The following ACOXL variants were observed in gnomAD, a reference collection of about 807,000 sequenced individuals.
ACOXL encodes acyl-coenzyme A oxidase-like protein.
A neutral mutation model predicts 71.9 loss-of-function variants in ACOXL; 70 were observed. The observed-to-expected ratio is 0.97, with a 90% confidence interval of 0.80 to 1.19. The LOEUF (loss-of-function observed/expected upper bound fraction) is 1.19. Ranked by LOEUF, ACOXL falls within the 50% of genes most tolerant of loss-of-function variation. ACOXL has a pLI of 0.00. For missense variants in ACOXL, 703 were observed against 736.3 expected (o/e 0.95, Z 0.52); for synonymous variants, 253 against 281.6 (o/e 0.90, Z 1.02).
At chr2:110,819,738 C>G (rs1319178214) in intron 9 of ACOXL, among the ~76,000 whole-genome samples, 1 of 152,114 alleles carries the variant, frequency 6.6e-6, no homozygotes, top group Non-Finnish European at 1.5e-5. Context: ...TTCTTTAATT[C>G]TTATAGGACC....
At chr2:110,949,905 TC>T (rs1225370707) in intron 12 of ACOXL, among the ~76,000 whole-genome samples, 16 of 152,186 alleles carry the variant, frequency 1.1e-4, no homozygotes, top group African/African-American at 3.9e-4. Context: ...CAGGACCTTG[TC>T]CCCTTTTTTG....
intron 9 of ACOXL, among the ~76,000 whole-genome samples, chr2:110,834,701 C>G (rs565479750): frequency 1.6e-4 from 25 of 152,236 alleles, no homozygotes; most frequent in Non-Finnish European, 3.7e-4. Flanking sequence ...CCTGCTCTCT[C>G]CTGGTTTGAG....
Position 110,922,597 on chromosome 2 carries a change from A to G in ACOXL, c.906-10892A>G, listed in dbSNP as rs1025052599. Among the ~76,000 whole-genome samples the G allele has an allele frequency of 2.0e-5, 3 of 152,312 alleles. No individual in the cohort carries two copies. The East Asian group carries it at 5.8e-4, about 29-fold the overall frequency. On this transcript the variant is annotated intron_variant, in intron 11 of 17. Coordinates refer to ENST00000439055, the MANE Select transcript of ACOXL (RefSeq NM_001142807.4). The stretch of plus-strand genomic sequence containing the variant: ...CTATGATAAAAGTGTTATATGTATC[A>G]ACATGTTTCCTTTTTCTTCAGCTCT...
In ACOXL at chr2:110,955,901, C is replaced by A. The variant is rs536175503; in HGVS notation, c.1059+22259C>A. 7.2e-5 allele frequency among the ~76,000 whole-genome samples: 11 copies of A among 152,058 alleles called. No individual in the cohort carries two copies. The East Asian group carries it at 2.1e-3, about 29-fold the overall frequency. On this transcript the variant is annotated intron_variant, in intron 12 of 17. Transcript: ENST00000439055. ...TTATTTTCTCACAGAACCTCCCTGC[C>A]CCCATCTTTTCCTTTCTGGAACTTG...
chr2:110,886,534 G>A (rs1374753011), intron 10 of ACOXL, among the ~76,000 whole-genome samples: 3 of 151,816 alleles, frequency 2.0e-5, no homozygotes, highest in South Asian at 2.1e-4. Context: ...GCACCACCAC[G>A]CTTGGCTAGT....
intron 10 of ACOXL, among the ~76,000 whole-genome samples, chr2:110,850,116 A>T (rs1474158411): frequency 2.6e-5 from 4 of 152,176 alleles, no homozygotes; most frequent in African/African-American, 9.6e-5. Context: ...AGCAACAAAG[A>T]TGGATCATGA....
chr2:111,035,292 C>T (rs528066681), intron 15 of ACOXL, among the ~76,000 whole-genome samples: 1 of 152,248 alleles, frequency 6.6e-6, no homozygotes, highest in East Asian at 1.9e-4. Context: ...TAGGGAAAAC[C>T]GTGTTTGAAA....
chr2:110,766,089 A>G (rs1286520580), intron 1 of ACOXL, among the ~76,000 whole-genome samples: 1 of 152,098 alleles, frequency 6.6e-6, no homozygotes, highest in African/African-American at 2.4e-5. Flanking sequence ...CATGGTTATG[A>G]TGGTTGCTTT....
chr2:110,844,822 C>T (rs1302001002), intron 10 of ACOXL, among the ~76,000 whole-genome samples: 4 of 152,154 alleles, frequency 2.6e-5, no homozygotes, highest in Admixed American at 2.0e-4. Flanking sequence ...GCTGGGATTA[C>T]AGGTGTGAGC....
chr2:110,997,921 C>T (rs2063469390), intron 14 of ACOXL, among the ~76,000 whole-genome samples: 1 of 152,046 alleles, frequency 6.6e-6, no homozygotes, highest in African/African-American at 2.4e-5. Flanking sequence ...TGTGGCAGCA[C>T]ATTCCTGTAG....
At chr2:110,953,209 A>G (rs2149415544) in intron 12 of ACOXL, among the ~76,000 whole-genome samples, 1 of 152,294 alleles carries the variant, frequency 6.6e-6, no homozygotes, top group East Asian at 1.9e-4. Context: ...CAGCTCCTGA[A>G]TTGGCGGAGC....
intron 12 of ACOXL, among the ~76,000 whole-genome samples, chr2:110,949,161 AGT>A (rs1316122955): frequency 6.6e-6 from 1 of 152,174 alleles, no homozygotes; most frequent in African/African-American, 2.4e-5. Context: ...CATAATGCCA[AGT>A]GACTTGTGGG....
At chr2:110,741,903 C>T (rs1015585969) in intron 1 of ACOXL, among the ~76,000 whole-genome samples, 3 of 152,204 alleles carry the variant, frequency 2.0e-5, no homozygotes. Context: ...AAGTGTCTGC[C>T]TCCAGCGGTG....
At chr2:110,806,965 G>A (rs1044007222) in intron 9 of ACOXL, among the ~76,000 whole-genome samples, 14 of 152,118 alleles carry the variant, frequency 9.2e-5, no homozygotes, top group African/African-American at 3.4e-4. Flanking sequence ...GATCTGGAGC[G>A]GGGTGGGGGT....
At chr2:110,887,376 C>G (rs1697425514) in intron 10 of ACOXL, 1 of 153,032 alleles carries the variant, frequency 6.5e-6, no homozygotes, top group African/African-American at 2.4e-5. Context: ...CTCTCACGGA[C>G]AGGCACCCGG....
At chr2:110,736,706 G>A (rs1232890175) in intron 1 of ACOXL, among the ~76,000 whole-genome samples, 2 of 147,460 alleles carry the variant, frequency 1.4e-5, no homozygotes, top group East Asian at 2.0e-4. Flanking sequence ...TGCAAGCCCC[G>A]CCTCCCGGGC....
intron 12 of ACOXL, among the ~76,000 whole-genome samples, chr2:110,981,335 G>A (rs1174076589): frequency 6.6e-6 from 1 of 152,198 alleles, no homozygotes; most frequent in Non-Finnish European, 1.5e-5. Flanking sequence ...TCCTGCCTGG[G>A]CGACAGAGTG....
intron 1 of ACOXL, among the ~76,000 whole-genome samples, chr2:110,761,922 TTGTC>T (rs138638972): frequency 1.3e-5 from 2 of 152,332 alleles, no homozygotes; most frequent in South Asian, 2.1e-4. Context: ...GTATTAAACT[TTGTC>T]TGTTTAACCT....
intron 10 of ACOXL, among the ~76,000 whole-genome samples, chr2:110,856,833 A>G (rs754271019): frequency 6.6e-6 from 1 of 152,026 alleles, no homozygotes; most frequent in African/African-American, 2.4e-5. Context: ...AAGCCAGAAG[A>G]CCCTGTGTGC....
Sources: allele counts gnomAD v4.1 joint callset (sites outside exome capture counted in the v4.1 genomes callset), GRCh38; gene constraint gnomAD v4.1.1; transcripts MANE v1.5; gene names NCBI Gene and HGNC (gene_info 2026-07-23, HGNC 2026-07-21).